The following KDM4B variants were observed in gnomAD, a reference collection of about 807,000 sequenced individuals.
KDM4B encodes the protein lysine-specific demethylase 4B.
A neutral mutation model predicts 125.2 loss-of-function variants in KDM4B; 32 were observed. The ratio of observed to expected loss-of-function variants is 0.26; its 90% CI spans 0.19 to 0.34. The LOEUF (loss-of-function observed/expected upper bound fraction) is 0.34, where lower values mean the gene tolerates loss of function less well. Ranked by LOEUF, KDM4B falls within the 10% of genes least tolerant of loss-of-function variation. KDM4B has a pLI of 1.00. For synonymous variants in KDM4B, 721 were observed against 677.9 expected, an observed-to-expected ratio of 1.06 and a Z score of -0.99; for missense variants, 1,190 against 1,577.7, an observed-to-expected ratio of 0.75 and a Z score of 4.16.
intron 9 of KDM4B, among the ~76,000 whole-genome samples, chr19:5,104,858 G>T (rs1464901423): frequency 6.6e-6 from 1 of 152,158 alleles, no homozygotes; most frequent in Non-Finnish European, 1.5e-5. Flanking sequence ...AGGTCCCAAA[G>T]TTGTCATTTC....
chr19:5,008,947 G>A (rs150631430), intron 1 of KDM4B, among the ~76,000 whole-genome samples: 25 of 129,640 alleles, frequency 1.9e-4, no homozygotes, highest in Non-Finnish European at 2.0e-4. Flanking sequence ...ACAGAGTTTC[G>A]CTGTGTTGCC....
At position 5,142,224 on chromosome 19, in the gene KDM4B, C is replaced by G. The variant is rs1196512185; in HGVS notation, c.2551-1743C>G. ...CAGTGCCTGGGCCCTTCCAGGCCCCCCACGGGCCGTAGACCCTGACTCCCC... is the reference window on the plus strand; with the variant it reads ...CAGTGCCTGGGCCCTTCCAGGCCCCGCACGGGCCGTAGACCCTGACTCCCC... On this transcript the variant is annotated intron_variant, in intron 18 of 22. Coordinates refer to ENST00000159111, the MANE Select transcript of KDM4B (RefSeq NM_015015.3). This position sits in a 1 kb window ranked among gnomAD's most constrained non-coding sequence, Gnocchi z 5.4. Among the ~76,000 whole-genome samples the G allele has an allele frequency of 6.6e-6, 1 of 152,116 alleles. No individual in the cohort carries two copies. Among genetic ancestry groups the G allele is most frequent in the Non-Finnish European group, 1.5e-5 (1 of 67,996 alleles).
intron 1 of KDM4B, among the ~76,000 whole-genome samples, chr19:5,005,256 A>G (rs2035521650): frequency 6.6e-6 from 1 of 152,180 alleles, no homozygotes; most frequent in South Asian, 2.1e-4. Context: ...GAGAACACAG[A>G]TGCCCGGGGC....
At chr19:4,975,642 G>T (rs377029906) in intron 1 of KDM4B, among the ~76,000 whole-genome samples, 5 of 149,756 alleles carry the variant, frequency 3.3e-5, no homozygotes, top group African/African-American at 1.2e-4. Context: ...GCCCAGGCTG[G>T]GGCGCAGTGG....
intron 8 of KDM4B, 82 bp downstream of exon 8, chr19:5,077,552 A>G: frequency 8.4e-7 from 1 of 1,184,264 alleles, no homozygotes; most frequent in South Asian, 1.2e-5. Context: ...ACCCCAGGAG[A>G]TAAGCTGTTT....
intron 6 of KDM4B, among the ~76,000 whole-genome samples, chr19:5,067,443 C>G (rs1271273210): frequency 6.6e-6 from 1 of 152,230 alleles, no homozygotes; most frequent in Non-Finnish European, 1.5e-5. Flanking sequence ...GCTGGCCACA[C>G]ACAGCCCCAG....
At chr19:4,974,756 G>A (rs73536553) in intron 1 of KDM4B, among the ~76,000 whole-genome samples, 3,004 of 150,674 alleles carry the variant, frequency 0.02, 121 homozygotes, top group African/African-American at 0.07. Flanking sequence ...AAAAAAAGAA[G>A]GTAGTCAAAG....
Position 5,137,345 on chromosome 19 carries a change from C to A in KDM4B, c.2385+7C>A. 1 of 1,558,988 alleles carries A rather than the reference C, an allele frequency of 6.4e-7. No individual in the cohort carries two copies. Among genetic ancestry groups the A allele is most frequent in the Non-Finnish European group, 8.7e-7 (1 of 1,151,484 alleles). On this transcript the variant is annotated splice_region_variant and intron_variant, in intron 16 of 22. Coordinates refer to ENST00000159111, the MANE Select transcript of KDM4B (RefSeq NM_015015.3). ...GGCCCACGCCTGGACTGCGGTAACT[C>A]GCTCCCCGCAGCGGGGGTGGTGCTC...
At chr19:5,048,729 G>A (rs1002723569) in intron 6 of KDM4B, among the ~76,000 whole-genome samples, 1 of 152,262 alleles carries the variant, frequency 6.6e-6, no homozygotes, top group Admixed American at 6.5e-5. Context: ...AGGCCCTGTA[G>A]AGGACCCCGT....
chr19:5,010,471 G>A (rs2035693273), intron 1 of KDM4B, among the ~76,000 whole-genome samples: 1 of 152,136 alleles, frequency 6.6e-6, no homozygotes, highest in Non-Finnish European at 1.5e-5. Context: ...AACATGTCCT[G>A]TTCCTTCAAC....
Position 5,022,946 on chromosome 19 carries a change from G to A in KDM4B, c.-26+6607G>A, listed in dbSNP as rs571444558. 8.5e-5 allele frequency among the ~76,000 whole-genome samples: 13 copies of A among 152,160 alleles called. No homozygotes were observed. In the South Asian group the frequency reaches 1.2e-3, roughly 15 times the overall value. On this transcript the variant is annotated intron_variant, in intron 2 of 22. Transcript: ENST00000159111. Reference sequence around the variant, plus strand: ...ATGGTACATTTCCCACATGGCAGTCGTGGTGGACTGAATGATGGTCCCCAT... The same window carrying A: ...ATGGTACATTTCCCACATGGCAGTCATGGTGGACTGAATGATGGTCCCCAT...
intron 3 of KDM4B, among the ~76,000 whole-genome samples, chr19:5,034,093 C>G (rs1327716971): frequency 6.6e-6 from 1 of 152,208 alleles, no homozygotes; most frequent in African/African-American, 2.4e-5. Context: ...GAGATTGCAC[C>G]ACTGCACTCC....
At chr19:5,128,235 G>T (rs2039483048) in intron 11 of KDM4B, among the ~76,000 whole-genome samples, 1 of 152,202 alleles carries the variant, frequency 6.6e-6, no homozygotes, top group Non-Finnish European at 1.5e-5. Context: ...TCTGATGAGT[G>T]TTTCCTCCTC....
chr19:5,030,369 A>G (rs1414162009), intron 2 of KDM4B, among the ~76,000 whole-genome samples: 3 of 152,214 alleles, frequency 2.0e-5, no homozygotes, highest in Non-Finnish European at 4.4e-5. Context: ...TCTGGGGGAC[A>G]TGAGAGTGTG....
intron 6 of KDM4B, among the ~76,000 whole-genome samples, chr19:5,061,916 A>G (rs1261301292): frequency 1.3e-5 from 2 of 151,846 alleles, no homozygotes; most frequent in Non-Finnish European, 2.9e-5. Flanking sequence ...CAGATATTGG[A>G]GGAGTTCTGT....
intron 1 of KDM4B, among the ~76,000 whole-genome samples, chr19:5,004,575 C>A (rs56011560): frequency 1.3e-5 from 2 of 152,142 alleles, no homozygotes; most frequent in Non-Finnish European, 2.9e-5. Flanking sequence ...TCCCTGTGAC[C>A]CGGTGTGCAT....
At chr19:5,131,040 G>T in intron 11 of KDM4B, 36 bp from the exon 12 acceptor site, 1 of 1,439,404 alleles carries the variant, frequency 6.9e-7, no homozygotes. Flanking sequence ...TTGAGCCCGG[G>T]TTCTCCTCCC....
intron 7 of KDM4B, chr19:5,074,942 C>G (rs2038056439): frequency 1.3e-5 from 2 of 152,380 alleles, no homozygotes; most frequent in African/African-American, 4.8e-5. Context: ...GGCTTCCTGT[C>G]TGCTGCAGGC....
At position 5,141,715 on chromosome 19, in the gene KDM4B, C is replaced by T. The variant is rs1457332387; in HGVS notation, c.2551-2252C>T. ...TGGTGAGTCAGGGGGCTCCGGCTGGCCGCCCGCCTGGGCCAAGTTATCACC... is the reference window on the plus strand; with the variant it reads ...TGGTGAGTCAGGGGGCTCCGGCTGGTCGCCCGCCTGGGCCAAGTTATCACC... On this transcript the variant is annotated intron_variant, in intron 18 of 22. Transcript: ENST00000159111. This position sits in a 1 kb window ranked among gnomAD's most constrained non-coding sequence, Gnocchi z 6.4. 6.6e-6 allele frequency among the ~76,000 whole-genome samples: 1 copy of T among 152,188 alleles called. No individual in the cohort carries two copies. Among genetic ancestry groups the T allele is most frequent in the East Asian group, 1.9e-4 (1 of 5,186 alleles).
Sources: allele counts gnomAD v4.1 joint callset (sites outside exome capture counted in the v4.1 genomes callset), GRCh38; gene constraint gnomAD v4.1.1; non-coding constraint Gnocchi (gnomAD v3.1); transcripts MANE v1.5; gene names NCBI Gene and HGNC (gene_info 2026-07-23, HGNC 2026-07-21).